Variants in SEC63 observed in about 807,000 individuals in gnomAD.
The protein encoded by SEC63 is SEC63 protein translocation regulator, also known as translocation protein SEC63 homolog.
Under a neutral mutation model 116.2 loss-of-function variants are expected in SEC63, and 56 were observed. The observed-to-expected ratio is 0.48, with a 90% CI of 0.39 to 0.60. The LOEUF is 0.60. Among genes scored for constraint, SEC63 ranks in the 20% least tolerant of loss-of-function variants. SEC63 has a pLI of 0.00. For missense variants in SEC63, 668 were observed against 900.0 expected (o/e 0.74, Z 3.30); for synonymous variants, 273 against 294.6 (o/e 0.93, Z 0.75).
chr6:107,890,546 T>A (rs767561026), intron 16 of SEC63, among the ~76,000 whole-genome samples: 1 of 152,234 alleles, frequency 6.6e-6, no homozygotes, highest in African/African-American at 2.4e-5. Flanking sequence ...TGTCTTTTAA[T>A]TGGGGCATTT....
chr6:107,891,500 T>C (rs1157093951), intron 16 of SEC63, among the ~76,000 whole-genome samples: 1 of 152,090 alleles, frequency 6.6e-6, no homozygotes, highest in African/African-American at 2.4e-5. Flanking sequence ...TGCATTGGGT[T>C]AGAACATGCT....
intron 14 of SEC63, 151 bp from the exon 15 acceptor site, chr6:107,894,048 T>A: frequency 1.2e-6 from 1 of 810,634 alleles, no homozygotes; most frequent in Non-Finnish European, 2.1e-6. Flanking sequence ...TACTAGCTGA[T>A]GAATGTGTGC....
intron 1 of SEC63, among the ~76,000 whole-genome samples, chr6:107,956,871 A>G (rs1770722786): frequency 1.3e-5 from 2 of 152,150 alleles, no homozygotes; most frequent in African/African-American, 2.4e-5. Context: ...AGCACACCCA[A>G]TTGAAGAGAA....
intron 1 of SEC63, among the ~76,000 whole-genome samples, chr6:107,938,145 A>G (rs777441363): frequency 2.0e-5 from 3 of 152,076 alleles, no homozygotes; most frequent in Non-Finnish European, 4.4e-5. Context: ...CAGCAATTTC[A>G]TACCCATCAT....
intron 19 of SEC63, among the ~76,000 whole-genome samples, chr6:107,873,555 G>GA (rs1786184261): frequency 6.6e-6 from 1 of 151,784 alleles, no homozygotes; most frequent in Admixed American, 6.6e-5. Context: ...AAAAAAACTA[G>GA]AAAAAATCAT....
At chr6:107,915,507 C>T (rs1472556968) in intron 4 of SEC63, among the ~76,000 whole-genome samples, 6 of 152,064 alleles carry the variant, frequency 3.9e-5, no homozygotes, top group Non-Finnish European at 8.8e-5. Context: ...GACAACAACG[C>T]TGCCCACTTG....
chr6:107,941,409 G>A (rs571137381), intron 1 of SEC63, among the ~76,000 whole-genome samples: 1 of 151,566 alleles, frequency 6.6e-6, no homozygotes, highest in South Asian at 2.1e-4. Flanking sequence ...GAAGGCAGAG[G>A]AATCAGCTCC....
chr6:107,909,082 G>T (rs564670605), intron 7 of SEC63, 47 bp from the exon 8 acceptor site: 2 of 1,322,172 alleles, frequency 1.5e-6, no homozygotes, highest in Non-Finnish European at 1.1e-6. Context: ...TAAAAACTAC[G>T]ATAGGCTGGG....
chr6:107,885,655 A>G (rs1246621680), intron 16 of SEC63, among the ~76,000 whole-genome samples: 1 of 152,212 alleles, frequency 6.6e-6, no homozygotes, highest in Non-Finnish European at 1.5e-5. Context: ...GCTTATTCTA[A>G]AAATTGGCAG....
intron 16 of SEC63, among the ~76,000 whole-genome samples, chr6:107,884,483 T>C (rs749498820): frequency 2.6e-4 from 40 of 151,876 alleles, no homozygotes; most frequent in Non-Finnish European, 4.9e-4. Context: ...TAAGAGGAAA[T>C]AGACAAACTC....
At chr6:107,873,906 G>A (rs1786191991) in intron 19 of SEC63, among the ~76,000 whole-genome samples, 1 of 152,074 alleles carries the variant, frequency 6.6e-6, no homozygotes, top group South Asian at 2.1e-4. Context: ...ACTCTTCAGA[G>A]AAATAAAAAC....
chr6:107,955,862 AACAGAGTGAGAC>A (rs1770700579), intron 1 of SEC63: 1 of 196,940 alleles, frequency 5.1e-6, no homozygotes. Context: ...CATCCTGGGC[AACAGAGTGAGAC>A]TCTGTCTCTA....
intron 1 of SEC63, among the ~76,000 whole-genome samples, chr6:107,946,297 A>G (rs71539084): frequency 0.11 from 16,639 of 151,118 alleles, 1,005 homozygotes; most frequent in East Asian, 0.21. Flanking sequence ...CAGTGGCACA[A>G]TCTCTGCTCA....
chr6:107,929,266 T>C (rs1787744014), intron 2 of SEC63, 149 bp downstream of exon 2: 3 of 592,350 alleles, frequency 5.1e-6, no homozygotes, highest in Admixed American at 3.0e-5. Flanking sequence ...CTGTTCAGAC[T>C]GTTCCCACAT....
chr6:107,915,277 G>A (rs1787372828), intron 4 of SEC63, among the ~76,000 whole-genome samples: 1 of 151,932 alleles, frequency 6.6e-6, no homozygotes, highest in South Asian at 2.1e-4. Context: ...TGAATCTAAG[G>A]AAATCTATGA....
In SEC63 at chr6:107,893,560, T is replaced by A. The variant is rs756336859; in HGVS notation, c.1596A>T (p.Leu532Phe). The A allele has an allele frequency of 1.1e-5, 17 of 1,597,526 alleles. No individual in the cohort carries two copies. The highest frequency in any genetic ancestry group is 7.1e-5 in the Admixed American group (4 of 56,100). Residue 532 changes from leucine to phenylalanine, a missense_variant, in exon 16 of 21, where the codon TTA (leucine) becomes TTT (phenylalanine). Coordinates refer to ENST00000369002, the MANE Select transcript of SEC63 (RefSeq NM_007214.5). ...ATAGCACAGGTGTAGGTTTTTTTTT[T>A]AAAGGTTTCTTTTTTTTTGATTTAG... is the stretch of plus-strand genomic sequence containing the variant. ...KTAKSKKKKP[L>F]KKKPTPVLLP...
Position 107,913,493 on chromosome 6 carries a change from A to C in SEC63, c.453-66T>G, listed in dbSNP as rs1787332363. The C allele has an allele frequency of 2.7e-6, 3 of 1,105,138 alleles. No individual in the cohort carries two copies. The Admixed American group carries it at 5.1e-5, about 19-fold the overall frequency. 68.5% of individuals were successfully genotyped at this position (1,105,138 alleles called of 1,614,324 possible). On this transcript the variant is annotated intron_variant, in intron 4 of 20. Coordinates refer to ENST00000369002, the MANE Select transcript of SEC63 (RefSeq NM_007214.5). Reference sequence around the variant, plus strand: ...ATCTGAAAAACAAGTACTCATATAGACAAACTCCATTAGCCAACCAACTCA... The same window carrying C: ...ATCTGAAAAACAAGTACTCATATAGCCAAACTCCATTAGCCAACCAACTCA...
At chr6:107,881,061 C>T (rs960911441) in intron 18 of SEC63, 88 bp downstream of exon 18, 6 of 920,418 alleles carry the variant, frequency 6.5e-6, no homozygotes, top group Non-Finnish European at 9.0e-6. Context: ...TGAACTAATA[C>T]ACACGACAGA....
chr6:107,901,541 T>C (rs1029210151), intron 12 of SEC63, 24 bp from the exon 13 acceptor site: 4 of 1,431,362 alleles, frequency 2.8e-6, no homozygotes, highest in Non-Finnish European at 3.9e-6. Flanking sequence ...AAAAAGAAAA[T>C]ACATAATTCC....
Sources: allele counts gnomAD v4.1 joint callset (sites outside exome capture counted in the v4.1 genomes callset), GRCh38; gene constraint gnomAD v4.1.1; transcripts MANE v1.5; gene names NCBI Gene and HGNC (gene_info 2026-07-23, HGNC 2026-07-21).